The following ENPP2 variants were observed in gnomAD, a reference collection of about 807,000 sequenced individuals.
The protein encoded by ENPP2 is ectonucleotide pyrophosphatase/phosphodiesterase 2.
In ENPP2, 51 loss-of-function variants were observed where a neutral mutation model predicts 120.2. The observed-to-expected ratio is 0.42, with a 90% CI of 0.34 to 0.54. The LOEUF is 0.54. ENPP2 is among the 20% of genes least tolerant of loss of function. ENPP2 has a pLI of 0.04. For missense variants in ENPP2, 920 were observed against 1,066.5 expected, an observed-to-expected ratio of 0.86 and a Z score of 1.91; for synonymous variants, 365 against 366.4, an observed-to-expected ratio of 1.00 and a Z score of 0.04.
intron 1 of ENPP2, among the ~76,000 whole-genome samples, chr8:119,659,216 C>G (rs925002898): frequency 6.6e-6 from 1 of 150,964 alleles, no homozygotes; most frequent in Non-Finnish European, 1.5e-5. Context: ...ACTCAGGAGG[C>G]TGAGATATAA....
chr8:119,597,809 T>C lies in ENPP2; in HGVS notation c.972+2869A>G, dbSNP rs137918128. Among the ~76,000 whole-genome samples, 53 of 152,348 alleles carry C rather than the reference T, an allele frequency of 3.5e-4. No individual in the cohort carries two copies. In the East Asian group the frequency reaches 9.6e-3, roughly 28 times the overall value. On this transcript the variant is annotated intron_variant, in intron 11 of 24. Coordinates refer to ENST00000075322, the MANE Select transcript of ENPP2 (RefSeq NM_001040092.3). ...ACCATTTCTTGAACTATTAACTCAA[T>C]GTTTGGTCATCTCATTTAATAGCTT...
chr8:119,637,516 G>GTTT, intron 2 of ENPP2, among the ~76,000 whole-genome samples: 1 of 152,294 alleles, frequency 6.6e-6, no homozygotes, highest in African/African-American at 2.4e-5. Context: ...AGAGGCAAGT[G>GTTT]ATGGTCTTTC....
chr8:119,665,427 C>G (rs1818041425), intron 1 of ENPP2, among the ~76,000 whole-genome samples: 1 of 152,152 alleles, frequency 6.6e-6, no homozygotes, highest in Admixed American at 6.5e-5. Flanking sequence ...TCTCCAAACA[C>G]CAAAACACTA....
chr8:119,608,051 A>G, intron 8 of ENPP2, 74 bp from the exon 9 acceptor site: 1 of 928,658 alleles, frequency 1.1e-6, no homozygotes, highest in Non-Finnish European at 1.7e-6. Flanking sequence ...TTTAAAATAC[A>G]TTAGATCAGA....
chr8:119,630,820 G>A (rs959173950), intron 2 of ENPP2, among the ~76,000 whole-genome samples: 1 of 152,048 alleles, frequency 6.6e-6, no homozygotes, highest in Non-Finnish European at 1.5e-5. Context: ...AAAAAGGGAA[G>A]GTAGTTTGAG....
chr8:119,612,491 A>G (rs1337449066), intron 8 of ENPP2, among the ~76,000 whole-genome samples: 2 of 151,990 alleles, frequency 1.3e-5, no homozygotes, highest in Non-Finnish European at 2.9e-5. Flanking sequence ...CATTTCTTGC[A>G]TTTTTTCACT....
intron 1 of ENPP2, among the ~76,000 whole-genome samples, chr8:119,650,815 A>G (rs932518399): frequency 6.6e-6 from 1 of 152,118 alleles, no homozygotes; most frequent in Non-Finnish European, 1.5e-5. Context: ...TTTCTGTTTC[A>G]TTTTACTTTT....
chr8:119,611,899 C>A (rs1320538986), intron 8 of ENPP2, among the ~76,000 whole-genome samples: 1 of 152,104 alleles, frequency 6.6e-6, no homozygotes, highest in African/African-American at 2.4e-5. Flanking sequence ...CATGGTGGCA[C>A]ACGCCTGTAA....
At chr8:119,620,441 A>G (rs184320382) in intron 4 of ENPP2, among the ~76,000 whole-genome samples, 222 of 152,332 alleles carry the variant, frequency 1.5e-3, no homozygotes, top group African/African-American at 5.1e-3. Flanking sequence ...CTTCAAATAT[A>G]TTAATATAAC....
At position 119,580,249 on chromosome 8, in the gene ENPP2, C is replaced by T. The variant is rs1251145855; in HGVS notation, c.1729-82G>A. 4.7e-6 allele frequency: 5 copies of T among 1,059,612 alleles called. No individual in the cohort carries two copies. In the Admixed American group the frequency reaches 8.8e-5, roughly 19 times the overall value. 65.6% of individuals were successfully genotyped at this position (1,059,612 alleles called of 1,614,324 possible). On this transcript the variant is annotated intron_variant, in intron 18 of 24. Coordinates refer to ENST00000075322, the MANE Select transcript of ENPP2 (RefSeq NM_001040092.3). ...CCTCTGTGCCCTTCTGTCGACTTAG[C>T]ACCCTGCTAAATTCAAAAGCGAACT...
At chr8:119,630,524 G>T (rs1816590917) in intron 2 of ENPP2, among the ~76,000 whole-genome samples, 1 of 152,046 alleles carries the variant, frequency 6.6e-6, no homozygotes, top group East Asian at 1.9e-4. Flanking sequence ...CTCTAAATTT[G>T]TCCTTTGCTT....
At chr8:119,620,238 T>C (rs1815790374) in intron 4 of ENPP2, among the ~76,000 whole-genome samples, 1 of 152,226 alleles carries the variant, frequency 6.6e-6, no homozygotes, top group South Asian at 2.1e-4. Context: ...TGATCAATGA[T>C]TCCAAGGGCT....
intron 1 of ENPP2, among the ~76,000 whole-genome samples, chr8:119,668,279 A>G (rs1035373646): frequency 1.3e-5 from 2 of 152,150 alleles, no homozygotes; most frequent in African/African-American, 4.8e-5. Context: ...CTCAAATAAT[A>G]ATAGCCAATA....
intron 1 of ENPP2, among the ~76,000 whole-genome samples, chr8:119,666,331 A>G (rs1008951009): frequency 6.6e-6 from 1 of 152,170 alleles, no homozygotes; most frequent in Non-Finnish European, 1.5e-5. Context: ...GCTTCAAACA[A>G]AGCACCATTC....
chr8:119,575,553 C>A (rs181368069), intron 19 of ENPP2, among the ~76,000 whole-genome samples: 3 of 152,170 alleles, frequency 2.0e-5, no homozygotes, highest in Non-Finnish European at 2.9e-5. Context: ...TTTGTTCCCA[C>A]TCTTAGAATA....
chr8:119,646,265 A>G (rs2130862966), intron 1 of ENPP2, among the ~76,000 whole-genome samples: 1 of 152,274 alleles, frequency 6.6e-6, no homozygotes, highest in Middle Eastern at 3.4e-3. Flanking sequence ...CAGCGCATCC[A>G]GCCTTTTCCT....
chr8:119,661,154 T>C (rs1187457273), intron 1 of ENPP2, among the ~76,000 whole-genome samples: 1 of 150,446 alleles, frequency 6.6e-6, no homozygotes, highest in Non-Finnish European at 1.5e-5. Flanking sequence ...CATCACACAC[T>C]GGGGCCTGTT....
chr8:119,568,969 ACT>A (rs1351335920), intron 21 of ENPP2, among the ~76,000 whole-genome samples: 1 of 152,196 alleles, frequency 6.6e-6, no homozygotes, highest in Non-Finnish European at 1.5e-5. Context: ...TTAATGATTC[ACT>A]GTTTCCTTTT....
chr8:119,664,855 C>T (rs1818025393), intron 1 of ENPP2, among the ~76,000 whole-genome samples: 1 of 152,036 alleles, frequency 6.6e-6, no homozygotes, highest in African/African-American at 2.4e-5. Flanking sequence ...GCAGGAGAAT[C>T]GCTTAAACCT....
Sources: allele counts gnomAD v4.1 joint callset (sites outside exome capture counted in the v4.1 genomes callset), GRCh38; gene constraint gnomAD v4.1.1; transcripts MANE v1.5; gene names NCBI Gene and HGNC (gene_info 2026-07-23, HGNC 2026-07-21).